Variants in TRPC4AP observed in about 807,000 individuals in gnomAD.
The protein encoded by TRPC4AP is transient receptor potential cation channel subfamily C member 4 associated protein.
A neutral mutation model predicts 99.0 loss-of-function variants in TRPC4AP; 45 were observed. That is an observed-to-expected ratio of 0.45 (90% CI 0.36 to 0.58). The LOEUF is 0.58. TRPC4AP is among the 20% of genes least tolerant of loss of function. TRPC4AP has a pLI of 0.00. For synonymous variants in TRPC4AP, 408 were observed against 385.8 expected (o/e 1.06, Z -0.67); for missense variants, 879 against 985.3 (o/e 0.89, Z 1.44).
chr20:35,051,061 C>CACAT (rs2083688290), intron 5 of TRPC4AP, among the ~76,000 whole-genome samples: 1 of 151,920 alleles, frequency 6.6e-6, no homozygotes, highest in Non-Finnish European at 1.5e-5. Flanking sequence ...CACACACACA[C>CACAT]ACACACACAT....
At chr20:35,030,039 C>T (rs1350211469) in intron 8 of TRPC4AP, among the ~76,000 whole-genome samples, 3 of 149,218 alleles carry the variant, frequency 2.0e-5, no homozygotes, top group South Asian at 2.1e-4. Flanking sequence ...GTCAGGAGAT[C>T]GAGACCAGCC....
At chr20:35,077,874 G>T (rs568240844) in intron 2 of TRPC4AP, among the ~76,000 whole-genome samples, 172 bp downstream of exon 2, 2 of 152,232 alleles carry the variant, frequency 1.3e-5, no homozygotes, top group African/African-American at 4.8e-5. Context: ...TGGGATTATA[G>T]GTGATGTATA....
intron 2 of TRPC4AP, among the ~76,000 whole-genome samples, chr20:35,072,189 T>A (rs1265941796): frequency 1.3e-5 from 2 of 152,222 alleles, no homozygotes; most frequent in African/African-American, 4.8e-5. Context: ...TAGCCCTTTG[T>A]CAGATGGGTA....
At chr20:35,007,503 G>A in intron 14 of TRPC4AP, 47 bp downstream of exon 14, 4 of 1,592,650 alleles carry the variant, frequency 2.5e-6, no homozygotes. Context: ...GCAACGCGTG[G>A]GCTGGGGGGA....
At chr20:35,055,634 A>T (rs2083808598) in intron 4 of TRPC4AP, among the ~76,000 whole-genome samples, 2 of 152,208 alleles carry the variant, frequency 1.3e-5, no homozygotes, top group Non-Finnish European at 2.9e-5. Context: ...CACCCTCCCG[A>T]GTGGCTAGGA....
At chr20:35,083,090 CA>C (rs1461704286) in intron 1 of TRPC4AP, among the ~76,000 whole-genome samples, 1 of 152,040 alleles carries the variant, frequency 6.6e-6, no homozygotes, top group Non-Finnish European at 1.5e-5. Flanking sequence ...ATATAATATT[CA>C]CAGATGACTG....
chr20:35,007,702 T>C, intron 13 of TRPC4AP, 62 bp from the exon 14 acceptor site: 1 of 1,549,698 alleles, frequency 6.5e-7, no homozygotes, highest in African/African-American at 1.4e-5. Flanking sequence ...TGTTCAGTTC[T>C]CCAAGGGGTT....
At chr20:35,087,426 G>C (rs893770721) in intron 1 of TRPC4AP, among the ~76,000 whole-genome samples, 2 of 151,810 alleles carry the variant, frequency 1.3e-5, no homozygotes, top group Admixed American at 6.6e-5. Flanking sequence ...TAATCATAAA[G>C]GAAGCAACGA....
chr20:35,010,344 G>A (rs1344839957), intron 11 of TRPC4AP, 56 bp from the exon 12 acceptor site: 2 of 1,467,484 alleles, frequency 1.4e-6, no homozygotes, highest in South Asian at 1.2e-5. Flanking sequence ...TGCTGGGTCA[G>A]CACCAGGCTA....
chr20:35,056,791 T>G (rs555786937), intron 4 of TRPC4AP, among the ~76,000 whole-genome samples: 4 of 150,948 alleles, frequency 2.6e-5, no homozygotes, highest in Non-Finnish European at 5.9e-5. Flanking sequence ...ACCAGCCTGG[T>G]CAACATGGTG....
intron 10 of TRPC4AP, among the ~76,000 whole-genome samples, chr20:35,014,610 C>T (rs1026146642): frequency 1.6e-4 from 25 of 152,094 alleles, no homozygotes; most frequent in Non-Finnish European, 8.8e-5. Context: ...AAGCAGTTTC[C>T]GAATTGAGCC....
At chr20:35,015,129 A>G (rs2082719838) in intron 10 of TRPC4AP, among the ~76,000 whole-genome samples, 1 of 149,246 alleles carries the variant, frequency 6.7e-6, no homozygotes, top group African/African-American at 2.5e-5. Flanking sequence ...CCTCCTGAGT[A>G]GCAGGGATTA....
intron 2 of TRPC4AP, among the ~76,000 whole-genome samples, chr20:35,072,396 A>G (rs1251464109): frequency 1.4e-5 from 2 of 144,242 alleles, no homozygotes; most frequent in East Asian, 2.1e-4. Flanking sequence ...ATTTTCTTCT[A>G]GGGTTTTTAT....
At chr20:35,060,640 T>C (rs1600620381) in intron 3 of TRPC4AP, among the ~76,000 whole-genome samples, 2 of 145,370 alleles carry the variant, frequency 1.4e-5, no homozygotes, top group African/African-American at 2.5e-5. Context: ...CATGACACTA[T>C]GACAAAGTGG....
At chr20:35,074,623 T>C (rs1172001951) in intron 2 of TRPC4AP, among the ~76,000 whole-genome samples, 2 of 152,258 alleles carry the variant, frequency 1.3e-5, no homozygotes, top group Non-Finnish European at 2.9e-5. Flanking sequence ...GATTGCACTG[T>C]TGTCTGAGAG....
Position 35,013,046 on chromosome 20 carries a change from C to CTG in TRPC4AP, c.1369_1370dup (p.Gln457HisfsTer4), listed in dbSNP as rs764198630. Reference sequence around the variant, plus strand: ...TGAAGCTCTGAAGAAGCCTCAAAAACTGTATCTTCAAGGTGATGTCCTGAA... The same window carrying CTG: ...TGAAGCTCTGAAGAAGCCTCAAAAACTGTGTATCTTCAAGGTGATGTCCTGAA... On this transcript the variant is annotated frameshift_variant, in exon 11 of 19. Coordinates refer to ENST00000252015, the MANE Select transcript of TRPC4AP (RefSeq NM_015638.3). LOFTEE classifies it high-confidence loss of function. The CTG allele has an allele frequency of 6.8e-6, 11 of 1,614,028 alleles. No homozygotes were observed. The highest frequency in any genetic ancestry group is 8.5e-7 in the Non-Finnish European group (1 of 1,180,042).
At chr20:35,021,087 G>T in intron 9 of TRPC4AP, 103 bp downstream of exon 9, 2 of 1,318,448 alleles carry the variant, frequency 1.5e-6, no homozygotes, top group South Asian at 1.4e-5. Context: ...CCAGGCTAAA[G>T]CGAGAGCCAT....
chr20:35,029,288 G>A (rs1010184730), intron 8 of TRPC4AP, among the ~76,000 whole-genome samples: 4 of 152,116 alleles, frequency 2.6e-5, no homozygotes, highest in African/African-American at 9.7e-5. Flanking sequence ...GCTTTCTCGT[G>A]GATGCTGCCT....
At chr20:35,005,616 C>G in intron 16 of TRPC4AP, 79 bp downstream of exon 16, 2 of 1,378,012 alleles carry the variant, frequency 1.5e-6, no homozygotes, top group Non-Finnish European at 2.0e-6. Flanking sequence ...TCATTCTTGT[C>G]TCCCTGCTGG....
Sources: gnomAD v4.1 joint callset for allele counts (sites outside exome capture counted in the v4.1 genomes callset) on GRCh38, gnomAD v4.1.1 for gene constraint, MANE v1.5 for transcripts, NCBI Gene and HGNC (gene_info 2026-07-23, HGNC 2026-07-21) for gene names.